HDAC9: variants seen among roughly 807,000 people sequenced by gnomAD.
HDAC9 encodes histone deacetylase 9, also known as MEF-2 interacting transcription repressor (MITR) protein.
Under a neutral mutation model 139.4 loss-of-function variants are expected in HDAC9, and 41 were observed. The ratio of observed to expected loss-of-function variants is 0.29; its 90% CI spans 0.23 to 0.38. The LOEUF (loss-of-function observed/expected upper bound fraction) is 0.38. Among genes scored for constraint, HDAC9 ranks in the 10% least tolerant of loss-of-function variants. The pLI, the probability that HDAC9 is intolerant of heterozygous loss-of-function variation, is 1.00. For synonymous variants in HDAC9, 517 were observed against 476.2 expected (o/e 1.09, Z -1.12); for missense variants, 1,147 against 1,297.0 (o/e 0.88, Z 1.78).
chr7:18,355,047 A>T (rs376593059), intron 1 of HDAC9, among the ~76,000 whole-genome samples: 1 of 152,240 alleles, frequency 6.6e-6, no homozygotes, highest in Admixed American at 6.5e-5. Flanking sequence ...TTCTACCACC[A>T]GTTACAAATC....
intron 21 of HDAC9, among the ~76,000 whole-genome samples, chr7:18,870,371 T>C (rs983562942): frequency 5.9e-5 from 9 of 152,186 alleles, no homozygotes; most frequent in African/African-American, 2.2e-4. Context: ...ACTTATTTTG[T>C]CAAATATTCC....
intron 13 of HDAC9, among the ~76,000 whole-genome samples, chr7:18,744,898 T>C (rs1787801790): frequency 6.6e-6 from 1 of 152,170 alleles, no homozygotes; most frequent in Non-Finnish European, 1.5e-5. Context: ...TATATACGTA[T>C]ATATGTGGAA....
chr7:18,306,793 C>A (rs922308415), intron 1 of HDAC9, among the ~76,000 whole-genome samples: 10 of 152,094 alleles, frequency 6.6e-5, no homozygotes, highest in Non-Finnish European at 1.3e-4. Flanking sequence ...AATATAAATT[C>A]TTCACTCCAA....
chr7:18,732,605 G>T (rs1433528466), intron 13 of HDAC9, among the ~76,000 whole-genome samples: 1 of 142,074 alleles, frequency 7.0e-6, no homozygotes, highest in Non-Finnish European at 1.5e-5. Context: ...GTATATGTGT[G>T]CATATGTGTA....
Position 18,426,325 on chromosome 7 carries a change from T to C in HDAC9, c.-41-69937T>C, listed in dbSNP as rs140600397. Among the ~76,000 whole-genome samples, 10 of 152,350 alleles carry C rather than the reference T, an allele frequency of 6.6e-5. No individual in the cohort carries two copies. In the East Asian group the frequency reaches 1.9e-3, roughly 29 times the overall value. ...TGCCAGTTTGCCAAGTGAGCTTTCA[T>C]GTAAGTGGCGGCGTTTATGCAAATG... is the stretch of plus-strand genomic sequence containing the variant. On this transcript the variant is annotated intron_variant, in intron 1 of 3. Coordinates refer to the HDAC9 transcript ENST00000413509.
At chr7:18,163,320 A>AGGGATTT (rs1787782680) in intron 2 of HDAC9, among the ~76,000 whole-genome samples, 1 of 152,196 alleles carries the variant, frequency 6.6e-6, no homozygotes, top group Non-Finnish European at 1.5e-5. Context: ...GTCTTTAGTC[A>AGGGATTT]CAACCATGTT....
chr7:18,244,988 AATCTG>A (rs1794425259), intron 2 of HDAC9, among the ~76,000 whole-genome samples: 1 of 17,950 alleles, frequency 5.6e-5, no homozygotes, highest in Non-Finnish European at 1.2e-4. Flanking sequence ...TCTATTATCT[AATCTG>A]CATCTATCTA....
chr7:18,783,799 G>C (rs17139947), intron 16 of HDAC9, among the ~76,000 whole-genome samples: 6,737 of 152,004 alleles, frequency 0.044, 313 homozygotes, highest in African/African-American at 0.12. Context: ...TCTTAGCTTG[G>C]CTGGGGATTT....
intron 1 of HDAC9, among the ~76,000 whole-genome samples, chr7:18,314,696 A>G (rs1229263854): frequency 2.0e-5 from 3 of 152,194 alleles, no homozygotes; most frequent in African/African-American, 4.8e-5. Context: ...CCGTGAAACA[A>G]AACAACTGGG....
Position 18,230,616 on chromosome 7 carries a change from G to C in HDAC9, c.25+68267G>C, listed in dbSNP as rs370376865. ...AAATGAGGTCGTTTTGCTCAGTCTG[G>C]GTTTTGGGATGCCATTTCGTTGTTG... On this transcript the variant is annotated intron_variant, in intron 2 of 12. Transcript: ENST00000417496. 3.9e-5 allele frequency among the ~76,000 whole-genome samples: 6 copies of C among 152,242 alleles called. No homozygotes were observed. The East Asian group carries it at 1.2e-3, about 29-fold the overall frequency.
At chr7:18,093,252 A>G (rs1562610643) in intron 1 of HDAC9, among the ~76,000 whole-genome samples, 2 of 152,168 alleles carry the variant, frequency 1.3e-5, no homozygotes, top group Non-Finnish European at 2.9e-5. Context: ...TACTTTGCCA[A>G]GGGTCGTTCA....
intron 1 of HDAC9, among the ~76,000 whole-genome samples, chr7:18,485,123 A>C (rs76501683): frequency 6.6e-6 from 1 of 152,150 alleles, no homozygotes; most frequent in Non-Finnish European, 1.5e-5. Flanking sequence ...GTTGGGGGGA[A>C]CACATTGTTT....
At chr7:18,112,410 CAA>C (rs145803299) in intron 1 of HDAC9, among the ~76,000 whole-genome samples, 1 of 151,982 alleles carries the variant, frequency 6.6e-6, no homozygotes, top group Admixed American at 6.5e-5. Context: ...GTGAATGGCA[CAA>C]AAAAATCGAG....
intron 12 of HDAC9, among the ~76,000 whole-genome samples, chr7:18,699,400 G>T (rs1418322938): frequency 6.6e-6 from 1 of 151,998 alleles, no homozygotes; most frequent in Non-Finnish European, 1.5e-5. Context: ...TTGTGTGTGT[G>T]TGTACGTGTG....
chr7:18,477,878 A>G (rs1006188818), intron 1 of HDAC9, among the ~76,000 whole-genome samples: 1 of 152,098 alleles, frequency 6.6e-6, no homozygotes, highest in Non-Finnish European at 1.5e-5. Context: ...ATATATTTTA[A>G]TAACAATTCT....
intron 12 of HDAC9, among the ~76,000 whole-genome samples, chr7:18,716,642 C>T (rs1455458830): frequency 1.3e-5 from 2 of 152,090 alleles, no homozygotes. Context: ...TTTAAATATT[C>T]TGTATATAGG....
At chr7:18,744,580 G>C (rs923677829) in intron 13 of HDAC9, among the ~76,000 whole-genome samples, 1 of 152,082 alleles carries the variant, frequency 6.6e-6, no homozygotes, top group Non-Finnish European at 1.5e-5. Flanking sequence ...TAGTCCAAAT[G>C]TTCTAAACTC....
At chr7:18,301,577 G>A (rs1798543585) in intron 1 of HDAC9, among the ~76,000 whole-genome samples, 1 of 151,844 alleles carries the variant, frequency 6.6e-6, no homozygotes, top group African/African-American at 2.4e-5. Context: ...ATGCAGAAAT[G>A]GAGATGAAAA....
intron 1 of HDAC9, among the ~76,000 whole-genome samples, chr7:18,352,971 A>G (rs552224689): frequency 6.6e-6 from 1 of 152,248 alleles, no homozygotes; most frequent in East Asian, 1.9e-4. Context: ...TCAGCAAAAT[A>G]TTTTGAGAAA....
Sources: gnomAD v4.1 joint callset for allele counts (sites outside exome capture counted in the v4.1 genomes callset) on GRCh38, gnomAD v4.1.1 for gene constraint, MANE v1.5 for transcripts, NCBI Gene and HGNC (gene_info 2026-07-23, HGNC 2026-07-21) for gene names.